NEBL: variants seen among roughly 807,000 people sequenced by gnomAD.
The protein encoded by NEBL is LIM and SH3 protein 2.
Under a neutral mutation model 140.2 loss-of-function variants are expected in NEBL, and 122 were observed. The observed-to-expected ratio is 0.87, with a 90% CI of 0.75 to 1.01. The LOEUF is 1.01. Among genes scored for constraint, NEBL ranks in the 50% least tolerant of loss-of-function variants. The pLI, the probability that NEBL is intolerant of heterozygous loss-of-function variation, is 0.00. For synonymous variants in NEBL, 436 were observed against 398.9 expected (o/e 1.09, Z -1.11); for missense variants, 1,365 against 1,231.3 (o/e 1.11, Z -1.62).
intron 3 of NEBL, among the ~76,000 whole-genome samples, chr10:21,017,836 T>C (rs1838615940): frequency 2.6e-5 from 4 of 151,836 alleles, no homozygotes; most frequent in Non-Finnish European, 5.9e-5. Flanking sequence ...TTTTTTTTTT[T>C]TCCCCAAAAT....
intron 21 of NEBL, among the ~76,000 whole-genome samples, chr10:20,817,311 G>A (rs1588676995): frequency 2.0e-5 from 3 of 152,166 alleles, no homozygotes; most frequent in Admixed American, 6.5e-5. Context: ...AGGTTGCAGT[G>A]AGTCAAGATT....
chr10:20,923,666 C>CAAAAA (rs71390799), intron 4 of NEBL, among the ~76,000 whole-genome samples: 869 of 28,330 alleles, frequency 0.031, 141 homozygotes, highest in East Asian at 0.056. Flanking sequence ...GACTCCGTCT[C>CAAAAA]AAAAAAAAAA....
intron 1 of NEBL, among the ~76,000 whole-genome samples, chr10:21,277,146 A>C (rs1842935043): frequency 6.6e-6 from 1 of 152,114 alleles, no homozygotes; most frequent in African/African-American, 2.4e-5. Flanking sequence ...AAAACAAAAA[A>C]AAACACGATT....
intron 3 of NEBL, among the ~76,000 whole-genome samples, chr10:21,181,099 T>A (rs964304816): frequency 8.6e-5 from 13 of 151,786 alleles, no homozygotes; most frequent in African/African-American, 3.1e-4. Context: ...CCATCTCTAC[T>A]AAAAATACAA....
At chr10:21,176,450 ATTT>A (rs1425741301), upstream of NEBL, among the ~76,000 whole-genome samples, 1 of 152,156 alleles carries the variant, frequency 6.6e-6, no homozygotes, top group Middle Eastern at 3.4e-3. Context: ...TTTTTCTCTC[ATTT>A]TTTTCTCATT....
intron 1 of NEBL, among the ~76,000 whole-genome samples, chr10:21,268,146 CA>C (rs1842819044): frequency 6.6e-6 from 1 of 152,132 alleles, no homozygotes; most frequent in Admixed American, 6.6e-5. Context: ...TGTGACCACT[CA>C]AAAGAGAGTG....
intron 2 of NEBL, among the ~76,000 whole-genome samples, chr10:21,084,012 G>A (rs1382792451): frequency 2.0e-5 from 3 of 152,022 alleles, no homozygotes; most frequent in African/African-American, 7.2e-5. Flanking sequence ...TTGTCATCTT[G>A]GGAAAAAAAC....
chr10:21,269,074 A>G (rs945541356), intron 1 of NEBL, among the ~76,000 whole-genome samples: 9 of 152,204 alleles, frequency 5.9e-5, no homozygotes, highest in Admixed American at 2.0e-4. Context: ...AGAATGCCAA[A>G]GAAGCACTGT....
At chr10:21,241,314 G>C (rs561449843) in intron 3 of NEBL, among the ~76,000 whole-genome samples, 1 of 151,870 alleles carries the variant, frequency 6.6e-6, no homozygotes, top group African/African-American at 2.4e-5. Context: ...AAAGGACCAA[G>C]AGCCAGCCTG....
In NEBL at chr10:20,781,310, C is replaced by T. The variant is rs190351583; in HGVS notation, c.*4437G>A. 6 of 152,640 alleles carry T rather than the reference C, an allele frequency of 3.9e-5. No homozygotes were observed. Among genetic ancestry groups the T allele is most frequent in the African/African-American group, 1.4e-4 (6 of 41,560 alleles). The allele number at this position is 152,640 out of a possible 1,614,324, so 9.5% of individuals were successfully genotyped here. ...ACTGTTACACTCTCAAAGTTAGTCTCGCAAATTAATCATCAACCACAATTC... is the reference window on the plus strand; with the variant it reads ...ACTGTTACACTCTCAAAGTTAGTCTTGCAAATTAATCATCAACCACAATTC... On this transcript the variant is annotated 3_prime_UTR_variant, in exon 28 of 28. Coordinates refer to ENST00000377122, the MANE Select transcript of NEBL (RefSeq NM_006393.3).
rs543321702 is a variant in NEBL, at chr10:21,240,176, T to C, written n.348+7745A>G. The stretch of plus-strand genomic sequence containing the variant: ...GTTTTCTTAGTTCAAACCAGCTAAG[T>C]TACCGACAAAACTCTTGGAACCTAA... On this transcript the variant is annotated intron_variant and non_coding_transcript_variant, in intron 3 of 8. Coordinates refer to the NEBL transcript ENST00000675702. Among the ~76,000 whole-genome samples the C allele has an allele frequency of 5.9e-5, 9 of 152,334 alleles. No homozygotes were observed. The South Asian group carries it at 1.9e-3, about 32-fold the overall frequency.
At chr10:20,840,091 A>G (rs1376889434) in intron 13 of NEBL, among the ~76,000 whole-genome samples, 1 of 152,116 alleles carries the variant, frequency 6.6e-6, no homozygotes, top group East Asian at 1.9e-4. Flanking sequence ...AGTCACCATC[A>G]CCATCGTCAT....
At chr10:21,034,167 GAAAA>G (rs964552949) in intron 2 of NEBL, among the ~76,000 whole-genome samples, 1 of 33,506 alleles carries the variant, frequency 3.0e-5, no homozygotes, top group African/African-American at 8.2e-5. Flanking sequence ...ACCCTATCTC[GAAAA>G]AAAAAAAAAA....
intron 2 of NEBL, among the ~76,000 whole-genome samples, chr10:21,127,636 G>A (rs1198302627): frequency 6.6e-6 from 1 of 152,130 alleles, no homozygotes; most frequent in Non-Finnish European, 1.5e-5. Flanking sequence ...GAAACATGGG[G>A]ATAGAGGCAC....
chr10:21,039,684 C>T (rs993381363), intron 2 of NEBL, among the ~76,000 whole-genome samples: 5 of 152,328 alleles, frequency 3.3e-5, no homozygotes, highest in Admixed American at 3.3e-4. Context: ...CATCTCACCT[C>T]ACAGCTCAGT....
At chr10:20,955,486 G>T (rs959657780) in intron 4 of NEBL, among the ~76,000 whole-genome samples, 1 of 152,142 alleles carries the variant, frequency 6.6e-6, no homozygotes, top group Non-Finnish European at 1.5e-5. Context: ...TCATGCAAAA[G>T]CCCAGAACAG....
intron 2 of NEBL, among the ~76,000 whole-genome samples, chr10:21,140,730 A>G (rs1347481663): frequency 6.6e-6 from 1 of 152,206 alleles, no homozygotes; most frequent in Non-Finnish European, 1.5e-5. Context: ...TAAAACTAAT[A>G]TGAATTACAA....
At chr10:20,817,791 T>A (rs1838879898) in intron 20 of NEBL, 99 bp from the exon 21 acceptor site, 1 of 985,000 alleles carries the variant, frequency 1.0e-6, no homozygotes. Flanking sequence ...TTTTTACACA[T>A]TTTTTTCCAC....
chr10:21,150,269 G>A (rs541673292), intron 2 of NEBL, among the ~76,000 whole-genome samples: 2 of 152,090 alleles, frequency 1.3e-5, no homozygotes, highest in African/African-American at 2.4e-5. Context: ...GATTTATATC[G>A]AACGGTTGGA....
Sources: allele counts gnomAD v4.1 joint callset (sites outside exome capture counted in the v4.1 genomes callset), GRCh38; gene constraint gnomAD v4.1.1; transcripts MANE v1.5; gene names NCBI Gene and HGNC (gene_info 2026-07-23, HGNC 2026-07-21).